The following GRIPAP1 variants were observed in gnomAD, a reference collection of about 807,000 sequenced individuals.
GRIPAP1 encodes the protein GRIP1 associated protein 1.
GRIPAP1 carries 14 observed loss-of-function variants against 84.1 expected under a neutral mutation model. That is an observed-to-expected ratio of 0.17 (90% confidence interval 0.11 to 0.26). The LOEUF (loss-of-function observed/expected upper bound fraction) is 0.26. GRIPAP1 is among the 10% of genes least tolerant of loss of function. The pLI, the probability that GRIPAP1 is intolerant of heterozygous loss-of-function variation, is 1.00. For synonymous variants in GRIPAP1, 261 were observed against 256.8 expected, an observed-to-expected ratio of 1.02 and a Z score of -0.15; for missense variants, 518 against 674.2, an observed-to-expected ratio of 0.77 and a Z score of 2.57.
Position 48,981,602 on chromosome X carries a change from C to T in GRIPAP1, c.1767G>A (p.Leu589=), listed in dbSNP as rs1213861426. ...CTGTGCAGTGACCACTGACCTGCTT[C>T]AGGCTGCTAATGGTCTTCAGGTGGC... ...RDCHLKTISS[L]KQEVKDTVDG... The change falls in exon 19 of 26, where the codon CTG becomes CTA. Residue 589 remains leucine, a synonymous_variant. Coordinates refer to ENST00000376423, the MANE Select transcript of GRIPAP1 (RefSeq NM_020137.5). 3 of 1,201,109 alleles carry T rather than the reference C, an allele frequency of 2.5e-6. No individual in the cohort carries two copies. The highest frequency in any genetic ancestry group is 3.4e-6 in the Non-Finnish European group (3 of 886,931).
rs1557066075 is a variant in GRIPAP1 at position 48,993,522 on chromosome X, A to G, written c.363T>C (p.Ala121=). ...CAGCTTGGGCAACCCCTGCTCCTGCAGCCCCCTCCTTCAGTTGCTGGTTCT... is the reference window on the plus strand; with the variant it reads ...CAGCTTGGGCAACCCCTGCTCCTGCGGCCCCCTCCTTCAGTTGCTGGTTCT... ...EQENQQLKEG[A]AGAGVAQAGP... The change falls in exon 6 of 26, where the codon GCT becomes GCC. Residue 121 remains alanine (A), a synonymous_variant. Coordinates refer to ENST00000376423, the MANE Select transcript of GRIPAP1 (RefSeq NM_020137.5). 1 of 1,189,254 alleles carries G rather than the reference A, an allele frequency of 8.4e-7. No individual in the cohort carries two copies.
At chrX:48,979,199 C>T (rs187750382) in intron 21 of GRIPAP1, among the ~76,000 whole-genome samples, 4 of 109,702 alleles carry the variant, frequency 3.6e-5, no homozygotes, top group East Asian at 2.9e-4. Flanking sequence ...AAAAAGATGC[C>T]GGGCGCGGTG....
chrX:48,976,446 C>A, intron 22 of GRIPAP1, 83 bp from the exon 23 acceptor site: 1 of 1,084,462 alleles, frequency 9.2e-7, no homozygotes, highest in East Asian at 3.2e-5. Context: ...GGGAGGAGAA[C>A]CAGGCCAGAG....
At chrX:48,988,436 C>T in intron 11 of GRIPAP1, 1 of 402,392 alleles carries the variant, frequency 2.5e-6, no homozygotes, top group South Asian at 4.1e-5. Flanking sequence ...AGACTCCTGG[C>T]CCTAGCTGCT....
At position 48,975,263 on chromosome X, in the gene GRIPAP1, G is replaced by T; in HGVS notation, c.2325C>A (p.Ser775Arg). 1 of 1,211,187 alleles carries T rather than the reference G, an allele frequency of 8.3e-7. No individual in the cohort carries two copies. The highest frequency in any genetic ancestry group is 1.1e-6 in the Non-Finnish European group (1 of 894,978). ...CTGGCTTCACTAGGTCTCTCAGGAC[G>T]CTGCCCAGCCCGCTGCGGTCTGTGT... Reference protein sequence around the residue: ...AGHTDRSGLGSVLRDLVKPGD... With the variant: ...AGHTDRSGLGRVLRDLVKPGD... The change falls in exon 25 of 26, where the codon AGC (serine) becomes AGA (arginine). Residue 775 changes from serine (S) to arginine (R), a missense_variant. Coordinates refer to ENST00000376423, the MANE Select transcript of GRIPAP1 (RefSeq NM_020137.5).
intron 13 of GRIPAP1, among the ~76,000 whole-genome samples, chrX:48,986,174 G>A (rs1056785398): frequency 1.6e-4 from 17 of 104,269 alleles, no homozygotes; most frequent in Non-Finnish European, 2.4e-4. Flanking sequence ...CCTGGGAGGC[G>A]GAGGTTGCAG....
At chrX:48,984,211 G>A (rs1292049110) in intron 14 of GRIPAP1, among the ~76,000 whole-genome samples, 2 of 110,953 alleles carry the variant, frequency 1.8e-5, no homozygotes, top group African/African-American at 6.6e-5. Flanking sequence ...ACTCTTCCCT[G>A]CCCCTTTCCT....
chrX:48,975,918 T>C (rs781848078), intron 24 of GRIPAP1, 100 bp downstream of exon 24: 2 of 678,838 alleles, frequency 2.9e-6, no homozygotes, highest in African/African-American at 2.1e-5. Context: ...GTAGCTTCGC[T>C]GAGTTCCGAG....
chrX:48,981,712 T>G (rs781890866), intron 18 of GRIPAP1, 21 bp from the exon 19 acceptor site: 28 of 1,182,053 alleles, frequency 2.4e-5, no homozygotes, highest in Non-Finnish European at 3.1e-5. Flanking sequence ...GAAAGCAGCT[T>G]AGGCATTGGC....
At chrX:48,988,006 CA>C in intron 12 of GRIPAP1, 114 bp downstream of exon 12, 1 of 615,427 alleles carries the variant, frequency 1.6e-6, no homozygotes, top group Non-Finnish European at 2.6e-6. Flanking sequence ...CACACACACA[CA>C]CACGAAGGCC....
intron 4 of GRIPAP1, chrX:48,997,837 T>A (rs2064555902): frequency 1.6e-5 from 5 of 308,614 alleles, no homozygotes; most frequent in South Asian, 5.4e-5. Flanking sequence ...AAAAGAGAAA[T>A]CACCGAGACA....
chrX:48,981,005 G>A (rs2064453391), intron 21 of GRIPAP1, among the ~76,000 whole-genome samples: 1 of 111,991 alleles, frequency 8.9e-6, no homozygotes, highest in South Asian at 3.7e-4. Context: ...ACAGAGAAGA[G>A]ACAGGGCAAA....
At position 48,974,240 on chromosome X, in the gene GRIPAP1, A is replaced by T; in HGVS notation, c.2479T>A (p.Cys827Ser). ...AGGTCTGGGTCAGGAGGCCCCACGCACTCCTTGCTGAGCCGCACAATTTCC... is the reference window on the plus strand; with the variant it reads ...AGGTCTGGGTCAGGAGGCCCCACGCTCTCCTTGCTGAGCCGCACAATTTCC... ...SQEIVRLSKE[C>S]VGPPDPDLEP... Residue 827 changes from cysteine (C) to serine (S), a missense_variant, in exon 26 of 26, where the codon TGC becomes AGC. Around this residue, in one of 5 missense-constraint regions of GRIPAP1, gnomAD observed 30 missense variants for 23.8 expected, o/e 1.26. Coordinates refer to ENST00000376423, the MANE Select transcript of GRIPAP1 (RefSeq NM_020137.5). 1 of 1,207,895 alleles carries T rather than the reference A, an allele frequency of 8.3e-7. No individual in the cohort carries two copies. The highest frequency in any genetic ancestry group is 1.1e-6 in the Non-Finnish European group (1 of 892,623).
At chrX:48,995,786 G>A (rs1210665044) in intron 5 of GRIPAP1, among the ~76,000 whole-genome samples, 1 of 109,993 alleles carries the variant, frequency 9.1e-6, no homozygotes, top group Admixed American at 9.7e-5. Context: ...TAGTAGAGAC[G>A]GGGTTTTACC....
At chrX:48,987,954 G>GACACAC (rs781921365) in intron 12 of GRIPAP1, 77 bp from the exon 13 acceptor site, 15,781 of 350,316 alleles carry the variant, frequency 0.045, 508 homozygotes, top group Admixed American at 0.061. Flanking sequence ...AGAAAGAAAG[G>GACACAC]ACACACACAC....
chrX:48,981,804 G>C lies in GRIPAP1; in HGVS notation c.1668C>G (p.Ala556=). The C allele has an allele frequency of 8.5e-7, 1 of 1,177,870 alleles. No homozygotes were observed. The highest frequency in any genetic ancestry group is 1.8e-5 in the African/African-American group (1 of 57,022). The change falls in exon 18 of 26, where the codon GCC becomes GCG. Residue 556 remains alanine, a synonymous_variant. Transcript: ENST00000376423. ...ATCATGCGAGAGGCACCTTCAGCTCGGCAGCGTGCTGCTCCCGACACTGCT... is the reference window on the plus strand; with the variant it reads ...ATCATGCGAGAGGCACCTTCAGCTCCGCAGCGTGCTGCTCCCGACACTGCT... ...ALKQCREQHA[A]ELKGKEEELQ... is the part of the protein sequence containing the mutation.
At position 48,997,351 on chromosome X, in the gene GRIPAP1, C is replaced by A; in HGVS notation, c.205G>T (p.Glu69Ter). Residue 69 changes from glutamate (E) to a stop codon, truncating the protein, a stop_gained, in exon 5 of 26, where the codon GAG becomes TAG. Transcript: ENST00000376423. LOFTEE classifies it high-confidence loss of function. ...LSKSKKAQEV[E>*]VLLSENEMLQ... ...ATCTCATTTTCACTCAGCAATACCT[C>A]GACTTCCTGCAGTGGCAGACAAGGG... The A allele has an allele frequency of 8.9e-7, 1 of 1,124,948 alleles. No individual in the cohort carries two copies. The highest frequency in any genetic ancestry group is 3.1e-5 in the East Asian group (1 of 32,650). The allele number at this position is 1,124,948 out of a possible 1,213,427, so 92.7% of individuals were successfully genotyped here. A position where few individuals can be genotyped will look rare whatever the true frequency, so the allele number is the denominator to read the frequency against.
At position 48,985,441 on chromosome X, in the gene GRIPAP1, G is replaced by A. The variant is rs782658097; in HGVS notation, c.1042-39C>T. ...TGGTGATGAGAAGTAGAGTGAAAGGGACCCCAGGGGCCAGGGACAGGGTAT... is the reference window on the plus strand; with the variant it reads ...TGGTGATGAGAAGTAGAGTGAAAGGAACCCCAGGGGCCAGGGACAGGGTAT... On this transcript the variant is annotated intron_variant, in intron 13 of 25. Transcript: ENST00000376423. 6 of 1,169,534 alleles carry A rather than the reference G, an allele frequency of 5.1e-6. No homozygotes were observed. The South Asian group carries it at 9.0e-5, about 18-fold the overall frequency.
chrX:48,976,081 T>A lies in GRIPAP1; in HGVS notation c.2215A>T (p.Met739Leu). ...CTCTTCCGGCAGAGGTCCTCTGCCA[T>A]GGAAGCACTGCTCACTTCCAGGTGC... The part of the protein sequence containing the change: ...VKHLEVSSAS[M>L]AEDLCRKSAI... The change falls in exon 24 of 26, where the codon ATG becomes TTG. Residue 739 changes from methionine to leucine, a missense_variant. Met to Leu is a conservative substitution (Grantham distance 15). Coordinates refer to ENST00000376423, the MANE Select transcript of GRIPAP1 (RefSeq NM_020137.5). 8.3e-7 allele frequency: 1 copy of A among 1,211,045 alleles called. No homozygotes were observed. Among genetic ancestry groups the A allele is most frequent in the Non-Finnish European group, 1.1e-6 (1 of 894,861 alleles).
Sources: allele counts gnomAD v4.1 joint callset (sites outside exome capture counted in the v4.1 genomes callset), GRCh38; gene constraint gnomAD v4.1.1; regional missense constraint gnomAD v4.1.1; transcripts MANE v1.5; gene names NCBI Gene and HGNC (gene_info 2026-07-23, HGNC 2026-07-21).